PRRG4: variants seen among roughly 807,000 people sequenced by gnomAD.
The protein encoded by PRRG4 is transmembrane gamma-carboxyglutamic acid protein 4.
A neutral mutation model predicts 20.0 loss-of-function variants in PRRG4; 12 were observed. That is an observed-to-expected ratio of 0.60 (90% CI 0.38 to 0.97). The LOEUF (loss-of-function observed/expected upper bound fraction) is 0.97, where lower values mean the gene tolerates loss of function less well. Among genes scored for constraint, PRRG4 ranks in the 50% least tolerant of loss-of-function variants. PRRG4 has a pLI of 0.00. For synonymous variants in PRRG4, 94 were observed against 96.4 expected (o/e 0.98, Z 0.15); for missense variants, 199 against 265.1 (o/e 0.75, Z 1.73).
At chr11:32,846,687 A>G (rs1468324166) in intron 5 of PRRG4, among the ~76,000 whole-genome samples, 4 of 152,190 alleles carry the variant, frequency 2.6e-5, no homozygotes, top group Non-Finnish European at 5.9e-5. Flanking sequence ...AAGAAGTCGT[A>G]GAACTTGATG....
At chr11:32,845,732 G>A (rs931166711) in intron 5 of PRRG4, among the ~76,000 whole-genome samples, 1 of 152,092 alleles carries the variant, frequency 6.6e-6, no homozygotes, top group Admixed American at 6.5e-5. Context: ...GCGGACATGG[G>A]TTTTAGAGGA....
chr11:32,841,936 A>G (rs1342152966), intron 5 of PRRG4, among the ~76,000 whole-genome samples: 1 of 152,210 alleles, frequency 6.6e-6, no homozygotes, highest in Admixed American at 6.5e-5. Flanking sequence ...CTAAAATTCT[A>G]TTGGCAGTCA....
chr11:32,841,350 CA>C (rs1464882091), intron 5 of PRRG4, among the ~76,000 whole-genome samples: 2 of 152,100 alleles, frequency 1.3e-5, no homozygotes, highest in East Asian at 3.8e-4. Context: ...TTAAATTTTA[CA>C]TAACAATTGA....
chr11:32,845,625 CA>C (rs749171678), intron 5 of PRRG4, among the ~76,000 whole-genome samples: 1,893 of 113,476 alleles, frequency 0.017, 27 homozygotes, highest in African/African-American at 0.05. Context: ...GACTCCGTTT[CA>C]AAAAAAAAAA....
rs1289427283 is a variant in PRRG4 at position 32,854,520 on chromosome 11, T to C, written c.*993T>C. 1 of 144,016 alleles carries C rather than the reference T, an allele frequency of 6.9e-6. No homozygotes were observed. The highest frequency in any genetic ancestry group is 2.0e-4 in the East Asian group (1 of 5,004). 8.9% of individuals were successfully genotyped at this position (144,016 alleles called of 1,614,324 possible). ...TTGTAGTGAGGCGAGATTGTGCCAT[T>C]GCACTCCAACCTGGGCGACAGAGTG... On this transcript the variant is annotated 3_prime_UTR_variant, in exon 6 of 6. Transcript: ENST00000257836.
intron 2 of PRRG4, among the ~76,000 whole-genome samples, chr11:32,832,918 G>T (rs901505767): frequency 1.3e-5 from 2 of 152,190 alleles, no homozygotes; most frequent in African/African-American, 4.8e-5. Flanking sequence ...TGCATGGACA[G>T]CCTCTTAGGA....
chr11:32,833,270 A>G (rs1341040972), intron 2 of PRRG4, among the ~76,000 whole-genome samples: 1 of 152,210 alleles, frequency 6.6e-6, no homozygotes, highest in Non-Finnish European at 1.5e-5. Flanking sequence ...GTTAATCATA[A>G]TAGCATGATT....
chr11:32,830,368 G>C, intron 1 of PRRG4, 140 bp from the exon 2 acceptor site: 1 of 868,284 alleles, frequency 1.2e-6, no homozygotes, highest in Non-Finnish European at 1.6e-6. Context: ...CGCGCGTCGG[G>C]TTCCGGCGAC....
At position 32,844,467 on chromosome 11, in the gene PRRG4, CTATTATTATTATTATTATTATTAT is replaced by C. The variant is rs148170116; in HGVS notation, c.449+4254_449+4277del. 3.1e-3 allele frequency among the ~76,000 whole-genome samples: 447 copies of C among 143,172 alleles called. 3 individuals are homozygous for C. The highest frequency in any genetic ancestry group is 0.011 in the African/African-American group (412 of 39,040). The allele number at this position is 143,172 out of a possible 152,430, so 93.9% of individuals were successfully genotyped here. The stretch of plus-strand genomic sequence containing the variant: ...GTAGCAAGTACTCAATAAATGTTAG[CTATTATTATTATTATTATTATTAT>C]TATTATTATTATTATTATTATTATT... On this transcript the variant is annotated intron_variant, in intron 5 of 5. Transcript: ENST00000257836.
intron 5 of PRRG4, among the ~76,000 whole-genome samples, chr11:32,847,874 CCAGACACAAAAGAACA>C (rs1327729035): frequency 6.6e-6 from 1 of 152,070 alleles, no homozygotes; most frequent in African/African-American, 2.4e-5. Flanking sequence ...GTGAAAGAAG[CCAGACACAAAAGAACA>C]ACTGTTGTAT....
chr11:32,844,400 G>A (rs764980466), intron 5 of PRRG4, among the ~76,000 whole-genome samples: 3 of 151,566 alleles, frequency 2.0e-5, no homozygotes, highest in East Asian at 1.9e-4. Flanking sequence ...TTTAAATGAC[G>A]TGATACACAA....
chr11:32,837,714 C>A (rs955867757), intron 3 of PRRG4, among the ~76,000 whole-genome samples: 1 of 151,888 alleles, frequency 6.6e-6, no homozygotes, highest in Admixed American at 6.6e-5. Context: ...CATGCCACCA[C>A]GCCTGGCTAA....
At position 32,829,950 on chromosome 11, in the gene PRRG4, C is replaced by A; in HGVS notation, c.-246C>A. On this transcript the variant is annotated 5_prime_UTR_variant, in exon 1 of 6. Coordinates refer to ENST00000257836, the MANE Select transcript of PRRG4 (RefSeq NM_024081.6). ...TCCTCCGTCGGCCGCCTCCCCGGAC[C>A]GAGGCAGGACCTCACCCCGCGCGTG... is the stretch of plus-strand genomic sequence containing the variant. 1 of 985,598 alleles carries A rather than the reference C, an allele frequency of 1.0e-6. No individual in the cohort carries two copies. Among genetic ancestry groups the A allele is most frequent in the Non-Finnish European group, 1.2e-6 (1 of 830,056 alleles). The allele number at this position is 985,598 out of a possible 1,614,324, so 61.1% of individuals were successfully genotyped here. A position where few individuals can be genotyped will look rare whatever the true frequency, so the allele number is the denominator to read the frequency against.
chr11:32,844,494 T>TGC (rs1851109316), intron 5 of PRRG4, among the ~76,000 whole-genome samples: 1 of 147,678 alleles, frequency 6.8e-6, no homozygotes, highest in African/African-American at 2.5e-5. Flanking sequence ...ATTATTATTA[T>TGC]TATTATTATT....
Position 32,840,162 on chromosome 11 carries a change from T to G in PRRG4, c.372T>G (p.Ala124=), listed in dbSNP as rs370009155. 10 of 1,608,108 alleles carry G rather than the reference T, an allele frequency of 6.2e-6. No individual in the cohort carries two copies. The Admixed American group carries it at 1.3e-4, about 21-fold the overall frequency. Reference sequence around the variant, plus strand: ...GCCTTCTGACTGGATTAATTGCTGCTGGAGTATTTTTGGTTATTTTTGGAT... The same window carrying G: ...GCCTTCTGACTGGATTAATTGCTGCGGGAGTATTTTTGGTTATTTTTGGAT... ...VMGLLTGLIA[A]GVFLVIFGLL... The change falls in exon 5 of 6, where the codon GCT becomes GCG. Residue 124 remains alanine (A), a synonymous_variant. Coordinates refer to ENST00000257836, the MANE Select transcript of PRRG4 (RefSeq NM_024081.6). This position sits in a 1 kb window ranked among gnomAD's most constrained non-coding sequence, Gnocchi z 4.1.
intron 3 of PRRG4, among the ~76,000 whole-genome samples, chr11:32,837,948 C>T (rs1256612413): frequency 6.6e-6 from 1 of 152,074 alleles, no homozygotes; most frequent in Non-Finnish European, 1.5e-5. Context: ...ATAAGAACCT[C>T]CCCAGGTATC....
At chr11:32,842,491 C>T (rs775699254) in intron 5 of PRRG4, among the ~76,000 whole-genome samples, 4 of 152,042 alleles carry the variant, frequency 2.6e-5, no homozygotes, top group African/African-American at 7.2e-5. Context: ...AAGGCCAAGC[C>T]GGGCAGATCA....
At chr11:32,837,535 GATGATGATTATT>G (rs1415024934) in intron 3 of PRRG4, among the ~76,000 whole-genome samples, 292 of 103,386 alleles carry the variant, frequency 2.8e-3, no homozygotes, top group East Asian at 0.025. Flanking sequence ...TGATGATGAT[GATGATGATTATT>G]ATTATTATTA....
chr11:32,844,106 G>C (rs1162333620), intron 5 of PRRG4, among the ~76,000 whole-genome samples: 2 of 152,216 alleles, frequency 1.3e-5, no homozygotes, highest in Non-Finnish European at 2.9e-5. Context: ...CCTAGAAATA[G>C]ATATGGTATA....
Sources: gnomAD v4.1 joint callset for allele counts (sites outside exome capture counted in the v4.1 genomes callset) on GRCh38, gnomAD v4.1.1 for gene constraint, Gnocchi (gnomAD v3.1) non-coding constraint, MANE v1.5 for transcripts, NCBI Gene and HGNC (gene_info 2026-07-23, HGNC 2026-07-21) for gene names.